The following PTH2R variants were observed in gnomAD, a reference collection of about 807,000 sequenced individuals.
The protein encoded by PTH2R is PTH2 receptor.
A neutral mutation model predicts 60.3 loss-of-function variants in PTH2R; 59 were observed. That is an observed-to-expected ratio of 0.98 (90% CI 0.79 to 1.22). The LOEUF is 1.22. Among genes scored for constraint, PTH2R ranks in the 50% most tolerant of loss-of-function variants. The probability of loss-of-function intolerance (pLI) is 0.00; values close to 1 mark genes in which losing one functional copy is unlikely to be tolerated. For synonymous variants in PTH2R, 256 were observed against 243.8 expected (o/e 1.05, Z -0.47); for missense variants, 749 against 682.6 (o/e 1.10, Z -1.08).
intron 4 of PTH2R, among the ~76,000 whole-genome samples, chr2:208,439,906 T>A (rs1008897520): frequency 6.6e-6 from 1 of 152,144 alleles, no homozygotes; most frequent in Non-Finnish European, 1.5e-5. Context: ...ATGGGGGAAC[T>A]GAATGGAAAA....
chr2:208,460,919 A>C (rs904945848), intron 9 of PTH2R, among the ~76,000 whole-genome samples: 2 of 152,098 alleles, frequency 1.3e-5, no homozygotes, highest in Non-Finnish European at 2.9e-5. Flanking sequence ...TCTTTTGGAC[A>C]ATGTGTCACC....
At chr2:208,387,035 C>T (rs1010932413) in intron 1 of PTH2R, among the ~76,000 whole-genome samples, 4 of 152,036 alleles carry the variant, frequency 2.6e-5, no homozygotes, top group African/African-American at 4.8e-5. Flanking sequence ...ATCTTTTCTA[C>T]GATTCTTTTT....
chr2:208,468,050 T>G (rs936255892), intron 9 of PTH2R, among the ~76,000 whole-genome samples: 6 of 152,210 alleles, frequency 3.9e-5, no homozygotes, highest in African/African-American at 1.4e-4. Context: ...AATGAAATGG[T>G]CTTGCAGTGA....
exon 1 of PTH2R, chr2:208,360,134 C>T (rs1469246834): frequency 2.3e-6 from 1 of 427,042 alleles, no homozygotes; most frequent in East Asian, 7.2e-5. Context: ...CCTTTTTATG[C>T]TTCGAAGCAG....
intron 1 of PTH2R, among the ~76,000 whole-genome samples, chr2:208,385,130 T>C (rs1700979604): frequency 6.6e-6 from 1 of 152,114 alleles, no homozygotes; most frequent in East Asian, 1.9e-4. Flanking sequence ...TACTACCTGA[T>C]AGTGTTAATA....
chr2:208,488,931 G>T, intron 10 of PTH2R, 81 bp from the exon 11 acceptor site: 2 of 1,406,156 alleles, frequency 1.4e-6, no homozygotes, highest in South Asian at 2.6e-5. Context: ...GCTCTGCTAA[G>T]TTTTTTTTTT....
chr2:208,420,862 A>G (rs1389438442), intron 1 of PTH2R, among the ~76,000 whole-genome samples: 1 of 152,206 alleles, frequency 6.6e-6, no homozygotes, highest in Non-Finnish European at 1.5e-5. Context: ...GTAAAGTTGC[A>G]TGTGATCACC....
chr2:208,412,101 C>G (rs1205266533), intron 1 of PTH2R, among the ~76,000 whole-genome samples: 2 of 152,158 alleles, frequency 1.3e-5, no homozygotes, highest in Admixed American at 1.3e-4. Flanking sequence ...TCTTCAGAAC[C>G]CACATTTTTT....
chr2:208,483,839 T>A (rs1574914274), intron 10 of PTH2R, among the ~76,000 whole-genome samples: 1 of 152,208 alleles, frequency 6.6e-6, no homozygotes, highest in East Asian at 1.9e-4. Context: ...GTGATTCTTT[T>A]TTCAGAGAAA....
intron 9 of PTH2R, among the ~76,000 whole-genome samples, chr2:208,476,521 G>A (rs1400591427): frequency 6.6e-6 from 1 of 152,100 alleles, no homozygotes; most frequent in Non-Finnish European, 1.5e-5. Flanking sequence ...TTGTGATACA[G>A]ATAATCAAAT....
At chr2:208,434,084 C>T (rs921049764) in intron 2 of PTH2R, among the ~76,000 whole-genome samples, 8 of 152,148 alleles carry the variant, frequency 5.3e-5, no homozygotes, top group African/African-American at 1.7e-4. Flanking sequence ...GAGGCTGAGG[C>T]GGGTGGATCA....
chr2:208,490,807 T>A (rs1703387827), intron 12 of PTH2R, 127 bp downstream of exon 12: 3 of 842,444 alleles, frequency 3.6e-6, no homozygotes, highest in African/African-American at 1.7e-5. Flanking sequence ...GAAGCTATTT[T>A]AATCATAAAT....
intron 1 of PTH2R, among the ~76,000 whole-genome samples, chr2:208,413,550 T>C (rs1574851148): frequency 1.3e-5 from 2 of 152,368 alleles, no homozygotes; most frequent in East Asian, 3.9e-4. Context: ...GTGCAAGAAC[T>C]ACACTTAATT....
At chr2:208,413,381 A>G (rs1386691291) in intron 1 of PTH2R, among the ~76,000 whole-genome samples, 1 of 152,222 alleles carries the variant, frequency 6.6e-6, no homozygotes, top group Non-Finnish European at 1.5e-5. Context: ...TCCAAGAGCC[A>G]ACCTTACCAG....
intron 2 of PTH2R, among the ~76,000 whole-genome samples, 155 bp downstream of exon 2, chr2:208,428,458 C>A (rs950245943): frequency 9.9e-5 from 15 of 152,200 alleles, no homozygotes; most frequent in Non-Finnish European, 1.9e-4. Flanking sequence ...ACACTCTTTT[C>A]ATCTCTACCC....
chr2:208,455,551 C>G (rs78353471), intron 8 of PTH2R, among the ~76,000 whole-genome samples: 3,141 of 152,294 alleles, frequency 0.021, 43 homozygotes, highest in Non-Finnish European at 0.035. Context: ...GATGAAGGGT[C>G]ATTTTATATT....
intron 7 of PTH2R, among the ~76,000 whole-genome samples, chr2:208,448,907 G>A (rs556153626): frequency 6.6e-6 from 1 of 151,938 alleles, no homozygotes; most frequent in African/African-American, 2.4e-5. Context: ...CTAAGAAGGT[G>A]AGAAAAGCAA....
chr2:208,492,738 T>G (rs1052336738), intron 12 of PTH2R, among the ~76,000 whole-genome samples: 1 of 152,162 alleles, frequency 6.6e-6, no homozygotes, highest in African/African-American at 2.4e-5. Context: ...GTGTGCTGGC[T>G]AGAGCAAATA....
intron 4 of PTH2R, 131 bp from the exon 5 acceptor site, chr2:208,442,233 T>C: frequency 2.9e-6 from 2 of 687,614 alleles, no homozygotes; most frequent in Non-Finnish European, 5.0e-6. Context: ...CTACATTTTA[T>C]TGCATGCAAA....
Sources: gnomAD v4.1 joint callset for allele counts (sites outside exome capture counted in the v4.1 genomes callset) on GRCh38, gnomAD v4.1.1 for gene constraint, MANE v1.5 for transcripts, NCBI Gene and HGNC (gene_info 2026-07-23, HGNC 2026-07-21) for gene names.